The following NAXD variants were observed in gnomAD, a reference collection of about 807,000 sequenced individuals.
NAXD encodes the protein NAD(P)HX dehydratase, also known as ATP-dependent (S)-NAD(P)H-hydrate dehydratase.
A neutral mutation model predicts 35.8 loss-of-function variants in NAXD; 22 were observed. That is an observed-to-expected ratio of 0.62 (90% CI 0.44 to 0.88). NAXD has a LOEUF of 0.88. Among genes scored for constraint, NAXD ranks in the 40% least tolerant of loss-of-function variants. The probability of loss-of-function intolerance (pLI) is 0.00; values close to 1 mark genes in which losing one functional copy is unlikely to be tolerated. For missense variants in NAXD, 428 were observed against 437.7 expected, an observed-to-expected ratio of 0.98 and a Z score of 0.20; for synonymous variants, 189 against 177.6, an observed-to-expected ratio of 1.06 and a Z score of -0.51.
At chr13:110,618,910 C>G (rs1044009048) in intron 1 of NAXD, among the ~76,000 whole-genome samples, 3 of 152,344 alleles carry the variant, frequency 2.0e-5, no homozygotes, top group African/African-American at 4.8e-5. Context: ...AGAAGGGAAG[C>G]TTTTCCGCTC....
At chr13:110,621,265 T>A (rs1427913882) in intron 1 of NAXD, among the ~76,000 whole-genome samples, 2 of 152,242 alleles carry the variant, frequency 1.3e-5, no homozygotes, top group African/African-American at 4.8e-5. Context: ...AGAAAAGACC[T>A]AATAATCCTA....
intron 1 of NAXD, among the ~76,000 whole-genome samples, chr13:110,616,709 A>G (rs897988401): frequency 3.9e-5 from 6 of 152,126 alleles, no homozygotes; most frequent in Non-Finnish European, 8.8e-5. Context: ...TGTATATCTC[A>G]TTTCTCATAA....
At position 110,638,214 on chromosome 13, in the gene NAXD, C is replaced by CG; in HGVS notation, c.840-163dup. 1 of 1,531,506 alleles carries CG rather than the reference C, an allele frequency of 6.5e-7. No homozygotes were observed. 94.9% of individuals were successfully genotyped at this position (1,531,506 alleles called of 1,614,324 possible). ...GTAGTGGAGGGTTAATGGTGGTTTT[C>CG]GCTGTGATAAACCTGCTTTCTCCTC... On this transcript the variant is annotated intron_variant, in intron 9 of 9. Coordinates refer to ENST00000680254, the MANE Select transcript of NAXD (RefSeq NM_001242882.2). The surrounding 1 kb of genome is among the most constrained non-coding windows in gnomAD (Gnocchi z 5.4).
Position 110,627,451 on chromosome 13 carries a change from T to C in NAXD, c.345T>C (p.Asn115=), listed in dbSNP as rs373714648. 2 of 1,613,350 alleles carry C rather than the reference T, an allele frequency of 1.2e-6. No individual in the cohort carries two copies. The highest frequency in any genetic ancestry group is 1.3e-5 in the African/African-American group (1 of 74,920). The change falls in exon 5 of 10, where the codon AAT becomes AAC. Residue 115 remains asparagine (N), a synonymous_variant. Transcript: ENST00000680254. ...TTTCCTTCTTTAGTGACAGCCCCAA[T>C]GCTGTTCATGAGGTGGAGAAGTGGC... ...LIVHPVLDSP[N]AVHEVEKWLP... is the part of the protein sequence containing the mutation.
Position 110,638,097 on chromosome 13 carries a change from G to T in NAXD, c.840-281G>T. 1.2e-6 allele frequency: 1 copy of T among 815,756 alleles called. No individual in the cohort carries two copies. Among genetic ancestry groups the T allele is most frequent in the Non-Finnish European group, 2.0e-6 (1 of 502,926 alleles). 50.5% of individuals were successfully genotyped at this position (815,756 alleles called of 1,614,324 possible). A position where few individuals can be genotyped will look rare whatever the true frequency, so the allele number is the denominator to read the frequency against. ...AGGGCTAAGCAGCTTGTGCCGCCTG[G>T]CTTTCCCCGGGAACACCTGGCCCAC... On this transcript the variant is annotated intron_variant, in intron 9 of 9. Coordinates refer to ENST00000680254, the MANE Select transcript of NAXD (RefSeq NM_001242882.2). This position sits in a 1 kb window ranked among gnomAD's most constrained non-coding sequence, Gnocchi z 5.4.
chr13:110,625,331 T>C, intron 4 of NAXD, 53 bp downstream of exon 4: 1 of 1,286,904 alleles, frequency 7.8e-7, no homozygotes, highest in Non-Finnish European at 1.1e-6. Flanking sequence ...CCTGCATCAT[T>C]TGGGGTTTTG....
In NAXD at chr13:110,637,196, CCTGGGCGTCCTGGTACA is replaced by C; in HGVS notation, c.794_810del (p.Val265AlafsTer58). Reference sequence around the variant, plus strand: ...GGCAAGGGGACCTCCTGTCGGGCTCCCTGGGCGTCCTGGTACACTGGGCGCTCCTTGCTGGACCACAG... The same window carrying C: ...GGCAAGGGGACCTCCTGTCGGGCTCCCTGGGCGCTCCTTGCTGGACCACAG... On this transcript the variant is annotated frameshift_variant, in exon 9 of 10. Transcript: ENST00000680254. LOFTEE classifies it high-confidence loss of function. 6.2e-7 allele frequency: 1 copy of C among 1,614,044 alleles called. No individual in the cohort carries two copies. The highest frequency in any genetic ancestry group is 8.5e-7 in the Non-Finnish European group (1 of 1,179,978).
At chr13:110,629,408 C>T (rs1886624047) in intron 5 of NAXD, among the ~76,000 whole-genome samples, 3 of 152,210 alleles carry the variant, frequency 2.0e-5, no homozygotes, top group African/African-American at 4.8e-5. Context: ...CCATGATCAA[C>T]CTTAGAATAT....
In NAXD at chr13:110,635,507, G is replaced by A; in HGVS notation, c.637G>A (p.Val213Met). 6.2e-7 allele frequency: 1 copy of A among 1,614,166 alleles called. No homozygotes were observed. Residue 213 changes from valine to methionine, a missense_variant, in exon 8 of 10, where the codon GTG becomes ATG. Physicochemically the swap from Val to Met is conservative, Grantham distance 21 (BLOSUM62 1). Around this residue, in one of 3 missense-constraint regions of NAXD, gnomAD observed 209 missense variants for 214.6 expected, o/e 0.97. Coordinates refer to ENST00000680254, the MANE Select transcript of NAXD (RefSeq NM_001242882.2). ...PMDSDDSHGS[V>M]LRLSQALGNV... Reference sequence around the variant, plus strand: ...GGACAGCGATGACAGCCATGGATCTGTGCTAAGACTCAGCCAAGCCCTGGG... The same window carrying A: ...GGACAGCGATGACAGCCATGGATCTATGCTAAGACTCAGCCAAGCCCTGGG...
chr13:110,626,181 C>A (rs995657290), intron 4 of NAXD, among the ~76,000 whole-genome samples: 1 of 151,706 alleles, frequency 6.6e-6, no homozygotes, highest in African/African-American at 2.4e-5. Flanking sequence ...GGCTCCTACG[C>A]GGCTGTGGGG....
intron 1 of NAXD, among the ~76,000 whole-genome samples, chr13:110,621,582 G>T: frequency 6.6e-6 from 1 of 152,256 alleles, no homozygotes; most frequent in East Asian, 1.9e-4. Context: ...TGTAATCCCA[G>T]ATACTCCGGA....
rs913926646 is a variant in NAXD at position 110,624,262 on chromosome 13, A to G, written c.226A>G (p.Ile76Val). The change falls in exon 3 of 10, where the codon ATC (isoleucine) becomes GTC (valine). Residue 76 changes from isoleucine to valine, a missense_variant. Physicochemically the swap from Ile to Val is conservative, Grantham distance 29 (BLOSUM62 3). This residue lies in a region of NAXD where 208 missense variants were observed against 193.0 expected (regional missense o/e 1.08). Transcript: ENST00000680254. ...EYTGAPYFAA[I>V]SALKVGADLS... ...CACTGGAGCCCCATATTTTGCAGCA[A>G]TCTCAGCTCTCAAAGTGGTATGTTT... The G allele has an allele frequency of 1.9e-6, 3 of 1,608,058 alleles. No individual in the cohort carries two copies. The highest frequency in any genetic ancestry group is 1.3e-5 in the African/African-American group (1 of 74,798).
Position 110,625,179 on chromosome 13 carries a change from T to G in NAXD, c.244-11T>G. The G allele has an allele frequency of 6.2e-7, 1 of 1,610,388 alleles. No individual in the cohort carries two copies. On this transcript the variant is annotated splice_polypyrimidine_tract_variant and intron_variant, in intron 3 of 9. Transcript: ENST00000680254. ...CGATCCCTGAGTCGGCCTCTTGTGC[T>G]CCTTCATCAGGGCGCAGACTTGTCC...
intron 1 of NAXD, 42 bp downstream of exon 1, chr13:110,615,689 G>A: frequency 6.6e-7 from 1 of 1,524,876 alleles, no homozygotes. Context: ...TCACACGCGC[G>A]GGGGCCGGAA....
chr13:110,637,697 T>G (rs2139654964), intron 9 of NAXD: 1 of 454,120 alleles, frequency 2.2e-6, no homozygotes, highest in South Asian at 1.6e-5. Context: ...GTCAGAGAAC[T>G]TTATGAATGC....
At chr13:110,620,698 C>T (rs1234636334) in intron 1 of NAXD, among the ~76,000 whole-genome samples, 1 of 152,108 alleles carries the variant, frequency 6.6e-6, no homozygotes, top group Non-Finnish European at 1.5e-5. Flanking sequence ...AAGAAAATTC[C>T]TTCAAAAGTT....
intron 8 of NAXD, among the ~76,000 whole-genome samples, chr13:110,636,150 C>T (rs1381281117): frequency 5.9e-5 from 9 of 152,206 alleles, no homozygotes; most frequent in South Asian, 2.1e-4. Flanking sequence ...CCGGGCCCAG[C>T]GCCAGCGAGG....
At chr13:110,615,708 G>C (rs745511317) in intron 1 of NAXD, 61 bp downstream of exon 1, 1 of 1,517,858 alleles carries the variant, frequency 6.6e-7, no homozygotes. Context: ...AACTGCCGTC[G>C]CCGGCGCGGT....
Position 110,638,631 on chromosome 13 carries a change from C to T in NAXD, c.*103C>T, listed in dbSNP as rs748720242. ...GTGTGCTGAAGGCGTACGGTGCTTGCCAGATTTTCAACTTGAGCATAAATT... is the reference window on the plus strand; with the variant it reads ...GTGTGCTGAAGGCGTACGGTGCTTGTCAGATTTTCAACTTGAGCATAAATT... On this transcript the variant is annotated 3_prime_UTR_variant, in exon 10 of 10. Coordinates refer to ENST00000680254, the MANE Select transcript of NAXD (RefSeq NM_001242882.2). The surrounding 1 kb of genome is among the most constrained non-coding windows in gnomAD (Gnocchi z 5.4). The T allele has an allele frequency of 6.1e-6, 8 of 1,315,436 alleles. No individual in the cohort carries two copies. The highest frequency in any genetic ancestry group is 1.8e-4 in the Middle Eastern group (1 of 5,534). The allele number at this position is 1,315,436 out of a possible 1,614,324, so 81.5% of individuals were successfully genotyped here.
Sources: gnomAD v4.1 joint callset for allele counts (sites outside exome capture counted in the v4.1 genomes callset) on GRCh38, gnomAD v4.1.1 for gene constraint, gnomAD v4.1.1 regional missense constraint, Gnocchi (gnomAD v3.1) non-coding constraint, MANE v1.5 for transcripts, NCBI Gene and HGNC (gene_info 2026-07-23, HGNC 2026-07-21) for gene names.